JARID2: variants seen among roughly 807,000 people sequenced by gnomAD.
JARID2 encodes jumonji and AT-rich interaction domain containing 2.
In JARID2, 21 loss-of-function variants were observed where a neutral mutation model predicts 125.6. The ratio of observed to expected loss-of-function variants is 0.17; its 90% CI spans 0.12 to 0.24. JARID2 has a LOEUF of 0.24. Among genes scored for constraint, JARID2 ranks in the 10% least tolerant of loss-of-function variants. The pLI is 1.00. For synonymous variants in JARID2, 736 were observed against 661.6 expected (o/e 1.11, Z -1.73); for missense variants, 1,303 against 1,639.6 (o/e 0.79, Z 3.55).
intron 7 of JARID2, among the ~76,000 whole-genome samples, chr6:15,499,611 ACTC>A (rs1770632815): frequency 2.0e-5 from 3 of 151,588 alleles, no homozygotes; most frequent in Admixed American, 2.0e-4. Context: ...CGGAGGAAGA[ACTC>A]CCGATTGTCA....
intron 1 of JARID2, among the ~76,000 whole-genome samples, chr6:15,340,911 A>C (rs980848995): frequency 6.6e-6 from 1 of 152,174 alleles, no homozygotes; most frequent in Non-Finnish European, 1.5e-5. Context: ...GGAAGGGATG[A>C]GTCTTTCTCT....
intron 2 of JARID2, among the ~76,000 whole-genome samples, chr6:15,399,233 G>A (rs1765331897): frequency 6.6e-6 from 1 of 152,134 alleles, no homozygotes; most frequent in South Asian, 2.1e-4. Flanking sequence ...TGTTCTGTAG[G>A]GAATTGTATA....
chr6:15,428,008 C>T (rs748499221), intron 3 of JARID2, among the ~76,000 whole-genome samples: 4 of 151,952 alleles, frequency 2.6e-5, no homozygotes, highest in Admixed American at 1.3e-4. Context: ...TTACTACTGT[C>T]GCCGTATACT....
intron 2 of JARID2, among the ~76,000 whole-genome samples, chr6:15,381,295 C>T (rs1037884075): frequency 1.4e-5 from 2 of 141,780 alleles, no homozygotes; most frequent in Admixed American, 7.5e-5. Flanking sequence ...TGAGCCAGAT[C>T]GTGCCACTGC....
Position 15,301,952 on chromosome 6 carries a change from T to C in JARID2, c.45+55368T>C, listed in dbSNP as rs1761639585. Among the ~76,000 whole-genome samples, 2 of 152,228 alleles carry C rather than the reference T, an allele frequency of 1.3e-5. 1 individual carries two copies. Among genetic ancestry groups the C allele is most frequent in the South Asian group, 4.1e-4 (2 of 4,830 alleles). The stretch of plus-strand genomic sequence containing the variant: ...TACGTTGGTATGTGTTTTTGGTCAT[T>C]GGTAACTTAACAGAAAAGTATATGT... On this transcript the variant is annotated intron_variant, in intron 1 of 17. Coordinates refer to ENST00000341776, the MANE Select transcript of JARID2 (RefSeq NM_004973.4).
intron 3 of JARID2, among the ~76,000 whole-genome samples, chr6:15,438,435 A>G (rs1339990119): frequency 7.9e-6 from 1 of 127,198 alleles, no homozygotes. Context: ...AGGGAGATGT[A>G]CGTACGTAGC....
In JARID2 at chr6:15,513,439, C is replaced by A; in HGVS notation, c.3450+17C>A. 6.4e-7 allele frequency: 1 copy of A among 1,558,708 alleles called. No homozygotes were observed. ...CTGTCCATGGTGAGCCCGCCTGGCC[C>A]TGCCGGCGCCCTCGCATGTAGTGCT... On this transcript the variant is annotated intron_variant, in intron 16 of 17. Transcript: ENST00000341776.
intron 8 of JARID2, among the ~76,000 whole-genome samples, chr6:15,502,798 A>G (rs1477177239): frequency 6.6e-6 from 1 of 152,070 alleles, no homozygotes; most frequent in African/African-American, 2.4e-5. Flanking sequence ...CCCATTGCCC[A>G]AGGCTGCCTG....
intron 1 of JARID2, among the ~76,000 whole-genome samples, chr6:15,249,152 G>A (rs1759335406): frequency 6.6e-6 from 1 of 152,246 alleles, no homozygotes; most frequent in South Asian, 2.1e-4. Flanking sequence ...CAGTGCTTAT[G>A]TAAAGAAATG....
At chr6:15,263,065 GGTGTGTGTTTGTGTGTGTGTGT>G (rs1477340823) in intron 1 of JARID2, among the ~76,000 whole-genome samples, 1 of 140,984 alleles carries the variant, frequency 7.1e-6, no homozygotes, top group Non-Finnish European at 1.5e-5. Flanking sequence ...CCCTTTGGAG[GGTGTGTGTTTGTGTGTGTGTGT>G]GTGTGTGTGT....
chr6:15,355,945 C>T (rs1763585035), intron 1 of JARID2, among the ~76,000 whole-genome samples: 2 of 152,112 alleles, frequency 1.3e-5, no homozygotes, highest in African/African-American at 4.8e-5. Context: ...TCATCACTCT[C>T]AAAGAGAAAC....
chr6:15,349,075 A>G (rs1325741636), intron 1 of JARID2, among the ~76,000 whole-genome samples: 1 of 152,242 alleles, frequency 6.6e-6, no homozygotes, highest in African/African-American at 2.4e-5. Flanking sequence ...ATATTGCAAC[A>G]TGAGTTTCCC....
Position 15,305,201 on chromosome 6 carries a change from C to T in JARID2, c.45+58617C>T, listed in dbSNP as rs116787903. Among the ~76,000 whole-genome samples the T allele has an allele frequency of 6.9e-3, 1,057 of 152,216 alleles. 16 individuals carry two copies. Among genetic ancestry groups the T allele is most frequent in the African/African-American group, 0.023 (972 of 41,520 alleles). On this transcript the variant is annotated intron_variant, in intron 1 of 17. Coordinates refer to ENST00000341776, the MANE Select transcript of JARID2 (RefSeq NM_004973.4). ...ATGTAGCTGGTATTGTTGAAGAAAA[C>T]GTGAAGAAGGATTTTAAGAAATGGC...
intron 3 of JARID2, among the ~76,000 whole-genome samples, chr6:15,423,879 T>C (rs1460669989): frequency 6.6e-6 from 1 of 152,194 alleles, no homozygotes; most frequent in Admixed American, 6.5e-5. Flanking sequence ...GGTGCTGCTG[T>C]GCCTTTGCAG....
intron 1 of JARID2, among the ~76,000 whole-genome samples, chr6:15,274,711 T>C (rs1298606612): frequency 6.6e-6 from 1 of 152,174 alleles, no homozygotes; most frequent in Non-Finnish European, 1.5e-5. Flanking sequence ...TCTGGGTTTT[T>C]TTGTTGGTGG....
chr6:15,478,380 C>G (rs1234215948), intron 5 of JARID2, among the ~76,000 whole-genome samples: 1 of 152,144 alleles, frequency 6.6e-6, no homozygotes, highest in Non-Finnish European at 1.5e-5. Flanking sequence ...GGTCACTACT[C>G]TCAGGTATGG....
chr6:15,469,282 C>G (rs1340385645), intron 5 of JARID2, among the ~76,000 whole-genome samples: 7 of 82,344 alleles, frequency 8.5e-5, no homozygotes, highest in African/African-American at 2.0e-4. Context: ...CTCTGTCTCT[C>G]TGTCTCTGTC....
At chr6:15,248,649 C>T (rs1012127084) in intron 1 of JARID2, 3 of 152,168 alleles carry the variant, frequency 2.0e-5, no homozygotes, top group East Asian at 3.9e-4. Context: ...CGGTTCTTCC[C>T]CCGCCGCGCG....
At chr6:15,370,502 T>G (rs972961376) in intron 1 of JARID2, among the ~76,000 whole-genome samples, 2 of 151,856 alleles carry the variant, frequency 1.3e-5, no homozygotes, top group African/African-American at 4.8e-5. Context: ...CACGCCCGGC[T>G]AATATTTTGT....
Sources: gnomAD v4.1 joint callset for allele counts (sites outside exome capture counted in the v4.1 genomes callset) on GRCh38, gnomAD v4.1.1 for gene constraint, MANE v1.5 for transcripts, NCBI Gene and HGNC (gene_info 2026-07-23, HGNC 2026-07-21) for gene names.